Variants in GNS observed in about 807,000 individuals in gnomAD.
GNS encodes the protein N-acetylglucosamine-6-sulfatase.
GNS carries 40 observed loss-of-function variants against 69.7 expected under a neutral mutation model. That is an observed-to-expected ratio of 0.57 (90% CI 0.45 to 0.75). The LOEUF is 0.75. Ranked by LOEUF, GNS falls within the 30% of genes least tolerant of loss-of-function variation. The pLI, the probability that GNS is intolerant of heterozygous loss-of-function variation, is 0.00. For missense variants in GNS, 565 were observed against 685.5 expected (o/e 0.82, Z 1.96); for synonymous variants, 243 against 251.6 (o/e 0.97, Z 0.32).
intron 9 of GNS, among the ~76,000 whole-genome samples, chr12:64,731,037 A>G (rs1262580922): frequency 6.6e-6 from 1 of 152,160 alleles, no homozygotes. Flanking sequence ...GTATAATGGG[A>G]GGCTTGTTCC....
intron 10 of GNS, 106 bp downstream of exon 10, chr12:64,728,850 C>A: frequency 1.5e-6 from 1 of 673,424 alleles, no homozygotes; most frequent in Non-Finnish European, 2.7e-6. Context: ...AGATTTTCTG[C>A]CCCCAAATTT....
rs747491925 is a variant in GNS at position 64,723,012 on chromosome 12, G to A, written c.1302C>T (p.Gly434=). ...TDPTCPSLSP[G]VSQCFPDCVC... ...GATTCAAGCTATTACTCACAGATAC[G>A]CCAGGACTCAGGGAAGGGCATGTTG... Residue 434 remains glycine (G), a synonymous_variant, in exon 11 of 14, where the codon GGC becomes GGT. Coordinates refer to ENST00000258145, the MANE Select transcript of GNS (RefSeq NM_002076.4). The A allele has an allele frequency of 3.2e-6, 5 of 1,577,588 alleles. No individual in the cohort carries two copies. The highest frequency in any genetic ancestry group is 1.3e-5 in the African/African-American group (1 of 74,246).
chr12:64,737,941 T>A (rs781004035), intron 8 of GNS, among the ~76,000 whole-genome samples: 1 of 152,066 alleles, frequency 6.6e-6, no homozygotes, highest in East Asian at 1.9e-4. Context: ...CACTTCTCCC[T>A]GTAAATTCGT....
rs1319063198 is a variant in GNS, at chr12:64,728,593, C to A, written c.1200+363G>T. 4.6e-5 allele frequency among the ~76,000 whole-genome samples: 7 copies of A among 152,164 alleles called. No individual in the cohort carries two copies. In the East Asian group the frequency reaches 1.3e-3, roughly 29 times the overall value. Reference sequence around the variant, plus strand: ...AGTAATCTTTTTGCGTTTGTTTTAGCCATTTTTAATTCTTCTGCAAATTGA... The same window carrying A: ...AGTAATCTTTTTGCGTTTGTTTTAGACATTTTTAATTCTTCTGCAAATTGA... On this transcript the variant is annotated intron_variant, in intron 10 of 13. Transcript: ENST00000258145.
At chr12:64,745,521 C>G in intron 4 of GNS, 138 bp downstream of exon 4, 1 of 731,850 alleles carries the variant, frequency 1.4e-6, no homozygotes, top group Non-Finnish European at 2.5e-6. Flanking sequence ...CACCTGGCCA[C>G]AAGTCAATAA....
chr12:64,719,849 AG>A (rs1247078893), intron 13 of GNS, among the ~76,000 whole-genome samples, 172 bp downstream of exon 13: 3 of 152,174 alleles, frequency 2.0e-5, no homozygotes, highest in African/African-American at 7.2e-5. Context: ...GGAGAACAAA[AG>A]TTTCAAAAGC....
chr12:64,724,370 C>G (rs990010314), intron 10 of GNS, among the ~76,000 whole-genome samples: 3 of 152,226 alleles, frequency 2.0e-5, no homozygotes, highest in African/African-American at 7.2e-5. Flanking sequence ...AGAATCACTG[C>G]TCTAAAGAAT....
intron 1 of GNS, among the ~76,000 whole-genome samples, chr12:64,757,326 C>T (rs1592512527): frequency 1.3e-5 from 2 of 152,152 alleles, no homozygotes; most frequent in Non-Finnish European, 2.9e-5. Context: ...GTTTTCAACA[C>T]CTAAAAAAGC....
rs1555220398 is a variant in GNS at position 64,737,109 on chromosome 12, T to A, written c.995-2A>T. The A allele has an allele frequency of 6.9e-7, 1 of 1,452,670 alleles. No individual in the cohort carries two copies. Among genetic ancestry groups the A allele is most frequent in the Non-Finnish European group, 9.7e-7 (1 of 1,032,668 alleles). The allele number at this position is 1,452,670 out of a possible 1,614,324, so 90.0% of individuals were successfully genotyped here. ...TGTCTATTGGCAAGGAAAACTGTCC[T>A]GAAAACAAAACACACAATGTAAAGA... is the stretch of plus-strand genomic sequence containing the variant. On this transcript the variant is annotated splice_acceptor_variant, in intron 8 of 13. Transcript: ENST00000258145. LOFTEE classifies it high-confidence loss of function.
At chr12:64,755,386 TG>T (rs1870217329) in intron 1 of GNS, among the ~76,000 whole-genome samples, 1 of 152,102 alleles carries the variant, frequency 6.6e-6, no homozygotes, top group African/African-American at 2.4e-5. Flanking sequence ...AAGATCAGCC[TG>T]GCCAACATGG....
At chr12:64,735,247 C>A (rs1409454209) in intron 9 of GNS, among the ~76,000 whole-genome samples, 5 of 152,196 alleles carry the variant, frequency 3.3e-5, no homozygotes, top group Non-Finnish European at 7.3e-5. Flanking sequence ...GTTAAGTATA[C>A]AGACTTTGGA....
Position 64,737,096 on chromosome 12 carries a change from A to AG in GNS, c.1005dup (p.Pro337AlafsTer9). 6.4e-7 allele frequency: 1 copy of AG among 1,551,072 alleles called. No homozygotes were observed. The highest frequency in any genetic ancestry group is 8.9e-7 in the Non-Finnish European group (1 of 1,122,422). On this transcript the variant is annotated frameshift_variant, in exon 9 of 14. Coordinates refer to ENST00000258145, the MANE Select transcript of GNS (RefSeq NM_002076.4). LOFTEE classifies it high-confidence loss of function. ...TACAGCTGTCTCTTGTCTATTGGCA[A>AG]GGAAAACTGTCCTGAAAACAAAACA...
chr12:64,751,214 T>C (rs1182037522), intron 2 of GNS, among the ~76,000 whole-genome samples: 4 of 152,200 alleles, frequency 2.6e-5, no homozygotes, highest in African/African-American at 9.6e-5. Flanking sequence ...AAAGAAATAA[T>C]TATGAATGAG....
At chr12:64,728,324 C>A (rs568498210) in intron 10 of GNS, among the ~76,000 whole-genome samples, 2 of 152,314 alleles carry the variant, frequency 1.3e-5, no homozygotes, top group African/African-American at 4.8e-5. Flanking sequence ...AGACCAAATG[C>A]CACTTTTCAC....
intron 4 of GNS, 83 bp from the exon 5 acceptor site, chr12:64,744,990 T>G (rs556186474): frequency 1.2e-4 from 86 of 741,582 alleles, no homozygotes; most frequent in Non-Finnish European, 1.9e-4. Flanking sequence ...TAAACTCTAC[T>G]CTGAGCAGTG....
intron 8 of GNS, among the ~76,000 whole-genome samples, chr12:64,737,693 C>T (rs1307492540): frequency 6.6e-6 from 1 of 152,182 alleles, no homozygotes; most frequent in Non-Finnish European, 1.5e-5. Flanking sequence ...ACTCATCAAT[C>T]AACACCAGCA....
chr12:64,748,283 C>G (rs1869958856), intron 2 of GNS, among the ~76,000 whole-genome samples: 1 of 152,004 alleles, frequency 6.6e-6, no homozygotes, highest in South Asian at 2.1e-4. Flanking sequence ...CTCACTGCAG[C>G]CTCGACCTCC....
intron 4 of GNS, 67 bp downstream of exon 4, chr12:64,745,592 C>T: frequency 2.2e-6 from 2 of 919,398 alleles, no homozygotes; most frequent in Non-Finnish European, 3.7e-6. Context: ...AATATCAGAG[C>T]TAAATTAAAC....
intron 9 of GNS, among the ~76,000 whole-genome samples, chr12:64,732,721 A>G (rs1869442786): frequency 6.6e-6 from 1 of 152,044 alleles, no homozygotes; most frequent in South Asian, 2.1e-4. Context: ...TCGGCCTCCC[A>G]AAGTGCTGGC....
Sources: allele counts gnomAD v4.1 joint callset (sites outside exome capture counted in the v4.1 genomes callset), GRCh38; gene constraint gnomAD v4.1.1; transcripts MANE v1.5; gene names NCBI Gene and HGNC (gene_info 2026-07-23, HGNC 2026-07-21).